Variants in PTPRD observed in about 807,000 individuals in gnomAD.
PTPRD encodes the protein protein tyrosine phosphatase receptor type D.
Under a neutral mutation model 214.5 loss-of-function variants are expected in PTPRD, and 34 were observed. The observed-to-expected ratio is 0.16, with a 90% CI of 0.12 to 0.21. The LOEUF is 0.21. Ranked by LOEUF, PTPRD falls within the 10% of genes least tolerant of loss-of-function variation. The pLI, the probability that PTPRD is intolerant of heterozygous loss-of-function variation, is 1.00. For synonymous variants in PTPRD, 1,128 were observed against 845.7 expected, an observed-to-expected ratio of 1.33 and a Z score of -5.79; for missense variants, 2,545 against 2,398.7, an observed-to-expected ratio of 1.06 and a Z score of -1.27.
At chr9:9,371,053 G>C (rs991302398) in intron 9 of PTPRD, among the ~76,000 whole-genome samples, 16 of 150,668 alleles carry the variant, frequency 1.1e-4, no homozygotes, top group African/African-American at 4.0e-4. Context: ...TATTCATTAA[G>C]GATATTGGTC....
At chr9:10,412,620 A>G (rs2098447898) in intron 2 of PTPRD, among the ~76,000 whole-genome samples, 1 of 67,410 alleles carries the variant, frequency 1.5e-5, no homozygotes, top group South Asian at 6.9e-4. Context: ...ACACGCACGC[A>G]CACACACACA....
At chr9:8,481,285 G>C (rs74578523) in intron 30 of PTPRD, among the ~76,000 whole-genome samples, 1 of 145,208 alleles carries the variant, frequency 6.9e-6, no homozygotes. Flanking sequence ...TCTTTTCACT[G>C]ATTTTAGTAA....
intron 4 of PTPRD, among the ~76,000 whole-genome samples, chr9:10,004,087 T>C (rs1247518155): frequency 1.3e-5 from 2 of 151,762 alleles, no homozygotes; most frequent in African/African-American, 2.4e-5. Context: ...CTAATATTCA[T>C]CAAATATTAT....
chr9:10,521,521 C>A (rs2052277959), intron 2 of PTPRD, among the ~76,000 whole-genome samples: 1 of 152,122 alleles, frequency 6.6e-6, no homozygotes, highest in Non-Finnish European at 1.5e-5. Flanking sequence ...AGGATTGTCT[C>A]CAATTTTGAA....
intron 2 of PTPRD, among the ~76,000 whole-genome samples, chr9:10,451,266 A>G (rs545361712): frequency 6.6e-6 from 1 of 152,080 alleles, no homozygotes; most frequent in South Asian, 2.1e-4. Context: ...GAAATAAATT[A>G]TTGTTACAAT....
intron 3 of PTPRD, among the ~76,000 whole-genome samples, chr9:10,051,738 C>G (rs1396021751): frequency 1.3e-5 from 2 of 152,038 alleles, no homozygotes; most frequent in African/African-American, 4.8e-5. Context: ...GTGCCAGGCA[C>G]CCTGTACCCC....
At chr9:10,479,901 G>C (rs755584682) in intron 2 of PTPRD, among the ~76,000 whole-genome samples, 15 of 152,060 alleles carry the variant, frequency 9.9e-5, no homozygotes, top group Non-Finnish European at 1.6e-4. Flanking sequence ...ATCTGAAGGG[G>C]CTTGTTATTG....
At chr9:9,797,037 T>C (rs1168400500) in intron 5 of PTPRD, among the ~76,000 whole-genome samples, 1 of 152,146 alleles carries the variant, frequency 6.6e-6, no homozygotes, top group Non-Finnish European at 1.5e-5. Flanking sequence ...TTCTGAATAG[T>C]AGATGGGATA....
chr9:10,365,153 T>C (rs2097491085), intron 2 of PTPRD, among the ~76,000 whole-genome samples: 1 of 152,196 alleles, frequency 6.6e-6, no homozygotes, highest in South Asian at 2.1e-4. Context: ...CTCCTGACTT[T>C]CTCATGGCTC....
intron 9 of PTPRD, among the ~76,000 whole-genome samples, chr9:9,234,138 A>G (rs988237838): frequency 1.3e-5 from 2 of 152,144 alleles, no homozygotes; most frequent in Admixed American, 6.5e-5. Flanking sequence ...ATTTCCATAC[A>G]TGATCTGAAA....
intron 12 of PTPRD, among the ~76,000 whole-genome samples, chr9:8,694,240 G>T (rs548870753): frequency 6.6e-6 from 1 of 152,180 alleles, no homozygotes; most frequent in Non-Finnish European, 1.5e-5. Context: ...TTTGCCTCAA[G>T]AAGGAATGGG....
chr9:10,234,589 C>A (rs2099622893), intron 3 of PTPRD, among the ~76,000 whole-genome samples: 2 of 151,512 alleles, frequency 1.3e-5, no homozygotes, highest in Admixed American at 6.6e-5. Context: ...AAGAATTATT[C>A]AAGAAATTCG....
chr9:8,480,168 G>C (rs747624206), intron 30 of PTPRD, among the ~76,000 whole-genome samples: 1 of 152,192 alleles, frequency 6.6e-6, no homozygotes, highest in Non-Finnish European at 1.5e-5. Flanking sequence ...CAGCAGGAAA[G>C]TCTTAAGAGG....
intron 2 of PTPRD, among the ~76,000 whole-genome samples, chr9:10,579,728 A>G (rs192192535): frequency 1.3e-4 from 20 of 152,270 alleles, no homozygotes; most frequent in African/African-American, 4.6e-4. Flanking sequence ...ATTTTCATCA[A>G]TGTGTATAAC....
chr9:8,544,360 G>C (rs948979750), intron 14 of PTPRD, among the ~76,000 whole-genome samples: 18 of 151,270 alleles, frequency 1.2e-4, no homozygotes, highest in Admixed American at 1.2e-3. Flanking sequence ...GGGATTACAG[G>C]CATGAGCCAA....
At chr9:10,123,408 T>C (rs1038994940) in intron 3 of PTPRD, among the ~76,000 whole-genome samples, 17 of 152,220 alleles carry the variant, frequency 1.1e-4, no homozygotes, top group Admixed American at 3.3e-4. Flanking sequence ...TATGAAGTCT[T>C]GAATTACAAA....
intron 11 of PTPRD, among the ~76,000 whole-genome samples, chr9:8,954,617 G>A (rs983796411): frequency 6.6e-6 from 1 of 151,884 alleles, no homozygotes; most frequent in Non-Finnish European, 1.5e-5. Flanking sequence ...GTGGGCTTGG[G>A]CTGTGGAGAG....
At chr9:10,343,284 A>G (rs1045048566) in intron 2 of PTPRD, among the ~76,000 whole-genome samples, 30 of 152,028 alleles carry the variant, frequency 2.0e-4, no homozygotes, top group Non-Finnish European at 2.9e-5. Flanking sequence ...AGCTTCATCC[A>G]TGTCCCTGCA....
rs1565593736 is a variant in PTPRD at position 8,726,591 on chromosome 9, ATATATATATATATATATATATAT to A, written c.64+7166_64+7188del. ...TACTAAAAAAAAAAAAAAAAAAAATATATATATATATATATATATATATATATATATATATATATATATATATA... is the reference window on the plus strand; with the variant it reads ...TACTAAAAAAAAAAAAAAAAAAAATAATATATATATATATATATATATATA... On this transcript the variant is annotated intron_variant, in intron 12 of 45. Transcript: ENST00000381196. Among the ~76,000 whole-genome samples the A allele has an allele frequency of 4.1e-3, 48 of 11,638 alleles. 15 individuals carry two copies. The highest frequency in any genetic ancestry group is 9.1e-3 in the African/African-American group (18 of 1,970). 7.6% of individuals were successfully genotyped at this position (11,638 alleles called of 152,430 possible).
Sources: allele counts gnomAD v4.1 joint callset (sites outside exome capture counted in the v4.1 genomes callset), GRCh38; gene constraint gnomAD v4.1.1; transcripts MANE v1.5; gene names NCBI Gene and HGNC (gene_info 2026-07-23, HGNC 2026-07-21).